The following CCNY variants were observed in gnomAD, a reference collection of about 807,000 sequenced individuals.
CCNY encodes cyclin Y.
CCNY carries 19 observed loss-of-function variants against 42.8 expected under a neutral mutation model. The ratio of observed to expected loss-of-function variants is 0.44; its 90% CI spans 0.31 to 0.65. The LOEUF (loss-of-function observed/expected upper bound fraction) is 0.65. Ranked by LOEUF, CCNY falls within the 30% of genes least tolerant of loss-of-function variation. The pLI, the probability that CCNY is intolerant of heterozygous loss-of-function variation, is 0.07. For missense variants in CCNY, 370 were observed against 437.3 expected (o/e 0.85, Z 1.37); for synonymous variants, 165 against 162.7 (o/e 1.01, Z -0.11).
chr10:35,266,068 C>T (rs1349245503), intron 3 of CCNY, among the ~76,000 whole-genome samples: 1 of 151,896 alleles, frequency 6.6e-6, no homozygotes, highest in Non-Finnish European at 1.5e-5. Flanking sequence ...GGAAACTTCT[C>T]TTTTTTTATT....
At chr10:35,258,983 A>G (rs1037182277) in intron 3 of CCNY, among the ~76,000 whole-genome samples, 5 of 151,982 alleles carry the variant, frequency 3.3e-5, no homozygotes, top group Non-Finnish European at 5.9e-5. Flanking sequence ...CCGTGGGGAA[A>G]GGTGGTGAGG....
At chr10:35,409,987 C>T (rs1050499062) in intron 1 of CCNY, among the ~76,000 whole-genome samples, 1 of 152,168 alleles carries the variant, frequency 6.6e-6, no homozygotes, top group African/African-American at 2.4e-5. Flanking sequence ...CAGTGATCCT[C>T]CCACCTCAGC....
intron 1 of CCNY, among the ~76,000 whole-genome samples, chr10:35,390,373 C>T (rs1021644465): frequency 3.3e-5 from 5 of 152,198 alleles, no homozygotes; most frequent in African/African-American, 1.2e-4. Context: ...GCAAGATTGG[C>T]ACACATTCAG....
At chr10:35,255,616 A>T (rs2095714931) in intron 3 of CCNY, among the ~76,000 whole-genome samples, 1 of 152,042 alleles carries the variant, frequency 6.6e-6, no homozygotes. Context: ...TAATTTTCAG[A>T]GAAGTTCTCT....
At chr10:35,374,437 G>A (rs1313510557) in intron 1 of CCNY, among the ~76,000 whole-genome samples, 1 of 152,120 alleles carries the variant, frequency 6.6e-6, no homozygotes, top group South Asian at 2.1e-4. Context: ...TGATCTCCAC[G>A]GCCAGTCACA....
At chr10:35,295,639 A>C (rs1232992013) in intron 3 of CCNY, among the ~76,000 whole-genome samples, 1 of 152,166 alleles carries the variant, frequency 6.6e-6, no homozygotes, top group African/African-American at 2.4e-5. Flanking sequence ...ATGAATATTC[A>C]TAAAATACTT....
intron 1 of CCNY, among the ~76,000 whole-genome samples, chr10:35,392,231 C>G (rs1045866957): frequency 1.3e-5 from 2 of 152,106 alleles, no homozygotes; most frequent in Non-Finnish European, 2.9e-5. Context: ...AGTTTTGAGT[C>G]TGTGGAGTTT....
intron 1 of CCNY, among the ~76,000 whole-genome samples, chr10:35,428,454 C>T (rs573404724): frequency 1.3e-5 from 2 of 152,252 alleles, no homozygotes; most frequent in South Asian, 4.2e-4. Context: ...AGAGAGCGTG[C>T]ACATGTGTGT....
chr10:35,443,161 G>A (rs533002813), intron 1 of CCNY, among the ~76,000 whole-genome samples: 31 of 152,316 alleles, frequency 2.0e-4, no homozygotes, highest in Non-Finnish European at 4.1e-4. Context: ...GGTGGAGAGT[G>A]ACTCTGAAGG....
intron 2 of CCNY, among the ~76,000 whole-genome samples, chr10:35,491,204 C>T (rs759680848): frequency 2.0e-5 from 3 of 152,170 alleles, no homozygotes; most frequent in African/African-American, 4.8e-5. Flanking sequence ...CCCAGCTCTG[C>T]GTTAGGCCTT....
chr10:35,265,192 A>G (rs1304630119), intron 3 of CCNY, among the ~76,000 whole-genome samples: 2 of 152,228 alleles, frequency 1.3e-5, no homozygotes, highest in African/African-American at 4.8e-5. Flanking sequence ...ACTGCCTACA[A>G]TGAAAATCTT....
intron 1 of CCNY, among the ~76,000 whole-genome samples, chr10:35,342,102 A>C (rs779583770): frequency 6.6e-6 from 1 of 152,190 alleles, no homozygotes; most frequent in Non-Finnish European, 1.5e-5. Flanking sequence ...AGAAGCTAGA[A>C]GCCTCAGGGA....
chr10:35,370,534 T>C (rs773034364), intron 1 of CCNY, among the ~76,000 whole-genome samples: 3 of 151,926 alleles, frequency 2.0e-5, no homozygotes, highest in Non-Finnish European at 4.4e-5. Flanking sequence ...AAATTGAACA[T>C]TGTCATTATA....
At chr10:35,470,668 A>G (rs2135345163) in intron 1 of CCNY, among the ~76,000 whole-genome samples, 1 of 152,338 alleles carries the variant, frequency 6.6e-6, no homozygotes, top group Non-Finnish European at 1.5e-5. Context: ...CAGTAGCAGC[A>G]CTTGGCTGCG....
At chr10:35,434,897 T>C (rs1838494464) in intron 1 of CCNY, among the ~76,000 whole-genome samples, 1 of 152,232 alleles carries the variant, frequency 6.6e-6, no homozygotes, top group Non-Finnish European at 1.5e-5. Flanking sequence ...CCCCTTATAC[T>C]TTCTTTCTAC....
chr10:35,566,346 CT>C (rs1841571726), intron 9 of CCNY, 161 bp downstream of exon 9: 2 of 774,402 alleles, frequency 2.6e-6, no homozygotes, highest in African/African-American at 3.5e-5. Flanking sequence ...ATGATTTGTT[CT>C]GCTTCTTTTT....
chr10:35,329,976 T>C (rs1398418766), intron 3 of CCNY, among the ~76,000 whole-genome samples: 6 of 152,194 alleles, frequency 3.9e-5, no homozygotes, highest in Admixed American at 1.3e-4. Flanking sequence ...TTGAGTTCCT[T>C]GGAGGTTACT....
At chr10:35,479,786 T>C (rs1839623404) in intron 1 of CCNY, among the ~76,000 whole-genome samples, 1 of 151,748 alleles carries the variant, frequency 6.6e-6, no homozygotes, top group South Asian at 2.1e-4. Flanking sequence ...AAAAACATCA[T>C]AGAGGTGAAC....
intron 1 of CCNY, among the ~76,000 whole-genome samples, chr10:35,426,111 GCACACACA>G (rs1055933724): frequency 1.2e-4 from 10 of 80,464 alleles, no homozygotes; most frequent in African/African-American, 4.8e-4. Flanking sequence ...TCCAGCACGC[GCACACACA>G]CACACACACA....
Sources: gnomAD v4.1 joint callset for allele counts (sites outside exome capture counted in the v4.1 genomes callset) on GRCh38, gnomAD v4.1.1 for gene constraint, MANE v1.5 for transcripts, NCBI Gene and HGNC (gene_info 2026-07-23, HGNC 2026-07-21) for gene names.